CRTAC1: variants seen among roughly 807,000 people sequenced by gnomAD.
The protein encoded by CRTAC1 is acidic secreted protein in cartilage.
CRTAC1 carries 37 observed loss-of-function variants against 67.8 expected under a neutral mutation model. The observed-to-expected ratio is 0.55, with a 90% CI of 0.42 to 0.72. The LOEUF is 0.72. CRTAC1 is among the 30% of genes least tolerant of loss of function. CRTAC1 has a pLI of 0.00. For missense variants in CRTAC1, 780 were observed against 931.6 expected, an observed-to-expected ratio of 0.84 and a Z score of 2.12; for synonymous variants, 348 against 371.0, an observed-to-expected ratio of 0.94 and a Z score of 0.71.
chr10:97,924,095 G>T (rs750206142), intron 3 of CRTAC1, among the ~76,000 whole-genome samples: 2 of 151,944 alleles, frequency 1.3e-5, no homozygotes, highest in Non-Finnish European at 2.9e-5. Context: ...GGAGTTGCAG[G>T]TCTGCACACC....
At chr10:97,987,029 T>C (rs2051993493) in intron 2 of CRTAC1, among the ~76,000 whole-genome samples, 1 of 152,246 alleles carries the variant, frequency 6.6e-6, no homozygotes, top group Non-Finnish European at 1.5e-5. Context: ...ACTTCCAGAT[T>C]CTGAGACTCT....
At chr10:98,008,059 A>G (rs1842828228) in intron 2 of CRTAC1, among the ~76,000 whole-genome samples, 1 of 152,278 alleles carries the variant, frequency 6.6e-6, no homozygotes, top group Admixed American at 6.5e-5. Flanking sequence ...GACTGGGCCC[A>G]TGGTGGCACA....
Position 98,029,517 on chromosome 10 carries a change from C to CGGCGGCGGT in CRTAC1, c.24+931_24+932insACCGCCGCC, listed in dbSNP as rs1308665334. ...GCGGCGGCGGCGGCGGCGGCGGCGG[C>CGGCGGCGGT]GGCGGCGGCGGCAGCAGCAGCAATA... is the stretch of plus-strand genomic sequence containing the variant. On this transcript the variant is annotated intron_variant, in intron 1 of 14. Coordinates refer to ENST00000370597, the MANE Select transcript of CRTAC1 (RefSeq NM_018058.7). This position sits in a 1 kb window ranked among gnomAD's most constrained non-coding sequence, Gnocchi z 4.7. Among the ~76,000 whole-genome samples, 1 of 137,858 alleles carries CGGCGGCGGT rather than the reference C, an allele frequency of 7.3e-6. No homozygotes were observed. The highest frequency in any genetic ancestry group is 1.5e-5 in the Non-Finnish European group (1 of 67,708). 90.4% of individuals were successfully genotyped at this position (137,858 alleles called of 152,430 possible). A position where few individuals can be genotyped will look rare whatever the true frequency, so the allele number is the denominator to read the frequency against.
chr10:98,017,700 ATT>A (rs397846855), intron 1 of CRTAC1, among the ~76,000 whole-genome samples: 1,890 of 128,988 alleles, frequency 0.015, 46 homozygotes, highest in African/African-American at 0.049. Flanking sequence ...ACTCCTGGCT[ATT>A]TTTTTTTTTT....
intron 11 of CRTAC1, among the ~76,000 whole-genome samples, chr10:97,885,416 A>G (rs368596091): frequency 3.1e-4 from 47 of 152,336 alleles, no homozygotes; most frequent in African/African-American, 1.1e-3. Flanking sequence ...GGGGAGAAAG[A>G]CCATTCTACA....
chr10:97,936,644 G>A (rs569322821), intron 2 of CRTAC1, among the ~76,000 whole-genome samples: 2 of 152,350 alleles, frequency 1.3e-5, no homozygotes, highest in East Asian at 1.9e-4. Flanking sequence ...TGGGAGCCAT[G>A]GACAGCCCGT....
intron 2 of CRTAC1, among the ~76,000 whole-genome samples, chr10:98,001,697 G>T (rs1465016526): frequency 1.3e-5 from 2 of 152,200 alleles, no homozygotes; most frequent in Non-Finnish European, 2.9e-5. Flanking sequence ...GCAGGTGAAG[G>T]TAAACTAGGG....
chr10:97,865,627 G>A lies in CRTAC1; in HGVS notation c.1907C>T (p.Ala636Val), dbSNP rs770107830. The A allele has an allele frequency of 6.2e-7, 1 of 1,612,976 alleles. No homozygotes were observed. The highest frequency in any genetic ancestry group is 1.1e-5 in the South Asian group (1 of 90,964). ...TAAAAAAAGA[A>V]TAAPVLVDGD... is the part of the protein sequence containing the mutation. Reference sequence around the variant, plus strand: ...ATCTACGAGGACCGGTGCAGCAGTGGCAGCTCCAGCAGCGGCAGCAGCAGC... The same window carrying A: ...ATCTACGAGGACCGGTGCAGCAGTGACAGCTCCAGCAGCGGCAGCAGCAGC... Residue 636 changes from alanine to valine, a missense_variant, in exon 15 of 15, where the codon GCC becomes GTC. Coordinates refer to ENST00000370597, the MANE Select transcript of CRTAC1 (RefSeq NM_018058.7).
chr10:97,914,289 C>T (rs1457753227), intron 5 of CRTAC1, among the ~76,000 whole-genome samples: 1 of 152,128 alleles, frequency 6.6e-6, no homozygotes, highest in Admixed American at 6.5e-5. Context: ...TCCCCCTGTA[C>T]CTTGCACAGT....
intron 2 of CRTAC1, among the ~76,000 whole-genome samples, chr10:97,974,353 A>T (rs1432495145): frequency 1.3e-5 from 2 of 152,140 alleles, no homozygotes; most frequent in Non-Finnish European, 2.9e-5. Context: ...ATTTTGTCTC[A>T]TCTCAACACC....
chr10:98,006,519 G>A (rs922644529), intron 2 of CRTAC1, among the ~76,000 whole-genome samples: 7 of 152,120 alleles, frequency 4.6e-5, no homozygotes, highest in East Asian at 1.9e-4. Context: ...ACATGCACAC[G>A]CCTTCCATCA....
intron 2 of CRTAC1, among the ~76,000 whole-genome samples, chr10:97,973,605 C>T (rs1451098747): frequency 1.3e-5 from 2 of 152,150 alleles, no homozygotes; most frequent in Non-Finnish European, 2.9e-5. Flanking sequence ...CACTACCAAC[C>T]TGCTGATTTC....
At position 97,904,801 on chromosome 10, in the gene CRTAC1, G is replaced by A. The variant is rs2050588062; in HGVS notation, c.864C>T (p.Pro288=). Residue 288 remains proline (P), a synonymous_variant, in exon 7 of 15, where the codon CCC becomes CCT. Transcript: ENST00000370597. ...DAAASAGVDD[P]HQHGRGVALA... is the part of the protein sequence containing the mutation. Reference sequence around the variant, plus strand: ...GGGCGACACCTCGCCCATGCTGGTGGGGGTCGTCCACACCTGGGGAGGAGA... The same window carrying A: ...GGGCGACACCTCGCCCATGCTGGTGAGGGTCGTCCACACCTGGGGAGGAGA... 1 of 1,599,182 alleles carries A rather than the reference G, an allele frequency of 6.3e-7. No individual in the cohort carries two copies. The highest frequency in any genetic ancestry group is 2.3e-5 in the East Asian group (1 of 43,866).
At chr10:97,993,697 T>C (rs1306927046) in intron 2 of CRTAC1, among the ~76,000 whole-genome samples, 1 of 152,180 alleles carries the variant, frequency 6.6e-6, no homozygotes, top group Non-Finnish European at 1.5e-5. Flanking sequence ...AAATCCTCCA[T>C]CCACCCATAA....
At chr10:97,967,730 G>C (rs764458290) in intron 2 of CRTAC1, among the ~76,000 whole-genome samples, 1 of 152,102 alleles carries the variant, frequency 6.6e-6, no homozygotes, top group Non-Finnish European at 1.5e-5. Flanking sequence ...GTTGGATCTG[G>C]TTGCTTCTGG....
chr10:97,927,261 C>A (rs2050934639), intron 3 of CRTAC1, among the ~76,000 whole-genome samples: 1 of 152,206 alleles, frequency 6.6e-6, no homozygotes, highest in African/African-American at 2.4e-5. Flanking sequence ...GGACTCTGAT[C>A]TCTACGAGGT....
chr10:97,951,762 A>G (rs958236420), intron 2 of CRTAC1, among the ~76,000 whole-genome samples: 1 of 152,226 alleles, frequency 6.6e-6, no homozygotes, highest in African/African-American at 2.4e-5. Context: ...TTCATCTAGA[A>G]TAAAGCCCCT....
In CRTAC1 at chr10:98,014,019, G is replaced by A. The variant is rs774754957; in HGVS notation, c.25-2682C>T. Among the ~76,000 whole-genome samples the A allele has an allele frequency of 2.6e-4, 39 of 152,352 alleles. No homozygotes were observed. The Middle Eastern group carries it at 0.01, about 40-fold the overall frequency. On this transcript the variant is annotated intron_variant, in intron 1 of 14. Coordinates refer to ENST00000370597, the MANE Select transcript of CRTAC1 (RefSeq NM_018058.7). ...CCCAATGCACCCACCGGGCTTCTCA[G>A]TACCAGTTGAAAAGTCAGGGATAAG...
intron 2 of CRTAC1, among the ~76,000 whole-genome samples, chr10:97,981,815 C>A (rs2051896674): frequency 6.6e-6 from 1 of 152,160 alleles, no homozygotes; most frequent in Non-Finnish European, 1.5e-5. Context: ...CTAACTTTTG[C>A]CAGTTTTGTT....
Sources: gnomAD v4.1 joint callset for allele counts (sites outside exome capture counted in the v4.1 genomes callset) on GRCh38, gnomAD v4.1.1 for gene constraint, Gnocchi (gnomAD v3.1) non-coding constraint, MANE v1.5 for transcripts, NCBI Gene and HGNC (gene_info 2026-07-23, HGNC 2026-07-21) for gene names.